The following CFAP74 variants were observed in gnomAD, a reference collection of about 807,000 sequenced individuals.
The protein encoded by CFAP74 is cilia and flagella associated protein 74, also known as cilia- and flagella-associated protein 74.
Under a neutral mutation model 188.9 loss-of-function variants are expected in CFAP74, and 124 were observed. The observed-to-expected ratio is 0.66, with a 90% confidence interval of 0.57 to 0.76. The LOEUF (loss-of-function observed/expected upper bound fraction) is 0.76. CFAP74 is among the 30% of genes least tolerant of loss of function. CFAP74 has a pLI of 0.00. For synonymous variants in CFAP74, 956 were observed against 916.7 expected, an observed-to-expected ratio of 1.04 and a Z score of -0.77; for missense variants, 2,198 against 2,165.2, an observed-to-expected ratio of 1.02 and a Z score of -0.30.
At position 1,922,062 on chromosome 1, in the gene CFAP74, C is replaced by T. The variant is rs559995435; in HGVS notation, c.*225G>A. Reference sequence around the variant, plus strand: ...TGGCTGAGGGCTGGCCTGGCCTTCTCGCTGCTTCTGAGTCTGGGGTCTCAG... The same window carrying T: ...TGGCTGAGGGCTGGCCTGGCCTTCTTGCTGCTTCTGAGTCTGGGGTCTCAG... On this transcript the variant is annotated 3_prime_UTR_variant, in exon 39 of 39. Coordinates refer to ENST00000682832, the MANE Select transcript of CFAP74 (RefSeq NM_001304360.2). The T allele has an allele frequency of 1.3e-3, 699 of 542,158 alleles. 2 individuals carry two copies. Among genetic ancestry groups the T allele is most frequent in the Non-Finnish European group, 2.0e-3 (598 of 306,578 alleles). 33.6% of individuals were successfully genotyped at this position (542,158 alleles called of 1,614,324 possible). A position where few individuals can be genotyped will look rare whatever the true frequency, so the allele number is the denominator to read the frequency against.
At chr1:2,000,950 C>A (rs1291591502) in intron 1 of CFAP74, among the ~76,000 whole-genome samples, 1 of 152,202 alleles carries the variant, frequency 6.6e-6, no homozygotes, top group Non-Finnish European at 1.5e-5. Context: ...TTCCTCTCCC[C>A]CTTCCCTTCA....
Position 1,956,686 on chromosome 1 carries a change from C to T in CFAP74, c.1950G>A (p.Thr650=), listed in dbSNP as rs754061143. 116 of 1,614,090 alleles carry T rather than the reference C, an allele frequency of 7.2e-5. 2 individuals carry two copies. The South Asian group carries it at 1.1e-3, about 15-fold the overall frequency. The change falls in exon 17 of 39, where the codon ACG becomes ACA. Residue 650 remains threonine, a synonymous_variant. Coordinates refer to ENST00000682832, the MANE Select transcript of CFAP74 (RefSeq NM_001304360.2). The part of the protein sequence containing the change: ...ITLTNVGGLG[T]TFKFLPASEP... ...CTGAAGCTGGCAGGAACTTGAAAGT[C>T]GTGCCCAAGCCCCCAACGTTGGTCA...
At position 1,926,854 on chromosome 1, in the gene CFAP74, G is replaced by A. The variant is rs749263854; in HGVS notation, c.3662+40C>T. 5.7e-5 allele frequency: 88 copies of A among 1,549,464 alleles called. No homozygotes were observed. The South Asian group carries it at 1.0e-3, about 18-fold the overall frequency. On this transcript the variant is annotated intron_variant, in intron 29 of 38. Transcript: ENST00000682832. The stretch of plus-strand genomic sequence containing the variant: ...GCAGTAGCAGAGGGACAGCGCGTTT[G>A]CGGCTGACCACACCCTGTTCTGGCC...
At chr1:1,944,599 T>G (rs963089039) in intron 20 of CFAP74, 147 bp from the exon 21 acceptor site, 1 of 795,970 alleles carries the variant, frequency 1.3e-6, no homozygotes, top group African/African-American at 1.7e-5. Context: ...TTTCATATCA[T>G]ATCATTCAAA....
At chr1:1,987,323 C>T (rs555627983) in intron 4 of CFAP74, among the ~76,000 whole-genome samples, 2 of 152,294 alleles carry the variant, frequency 1.3e-5, no homozygotes, top group East Asian at 1.9e-4. Flanking sequence ...CATAAACAAG[C>T]GCACTCCTGC....
chr1:1,939,214 ATGTG>A (rs797008077), intron 24 of CFAP74, among the ~76,000 whole-genome samples: 2 of 152,072 alleles, frequency 1.3e-5, no homozygotes, highest in Admixed American at 6.6e-5. Context: ...GTGCACGCAT[ATGTG>A]TGTGTGTGCT....
At chr1:1,976,919 C>G (rs1656489034) in intron 6 of CFAP74, among the ~76,000 whole-genome samples, 1 of 151,942 alleles carries the variant, frequency 6.6e-6, no homozygotes, top group African/African-American at 2.4e-5. Context: ...GGTCTCAGCT[C>G]ACTGCAAGCT....
chr1:1,966,444 GC>G lies in CFAP74; in HGVS notation c.1327del (p.Ala443ProfsTer8). The G allele has an allele frequency of 6.2e-7, 1 of 1,606,476 alleles. No individual in the cohort carries two copies. The highest frequency in any genetic ancestry group is 8.5e-7 in the Non-Finnish European group (1 of 1,175,858). On this transcript the variant is annotated frameshift_variant, in exon 12 of 39. Coordinates refer to ENST00000682832, the MANE Select transcript of CFAP74 (RefSeq NM_001304360.2). LOFTEE classifies it high-confidence loss of function. ...AGCTAACGTTTCCTCCTCTGAGCTG[GC>G]CCCGGGGTCCCCCTGGATAAGCTCA... ...SSELIQGDPG[A>X]SSEEETLAEP...
intron 21 of CFAP74, among the ~76,000 whole-genome samples, chr1:1,943,067 G>C (rs538485427): frequency 6.6e-6 from 1 of 152,198 alleles, no homozygotes; most frequent in South Asian, 2.1e-4. Context: ...CAGAGACCGC[G>C]CCCTCCCCGT....
intron 20 of CFAP74, among the ~76,000 whole-genome samples, chr1:1,945,568 C>T (rs1228494885): frequency 6.6e-6 from 1 of 152,112 alleles, no homozygotes; most frequent in Admixed American, 6.5e-5. Flanking sequence ...TGGCTCACTC[C>T]TGTAATCCCA....
In CFAP74 at chr1:1,985,215, G is replaced by A. The variant is rs116195192; in HGVS notation, c.500+171C>T. On this transcript the variant is annotated intron_variant, in intron 6 of 38. Coordinates refer to ENST00000682832, the MANE Select transcript of CFAP74 (RefSeq NM_001304360.2). ...ACCCAGAGAAACTGAAAAAGGCAAC[G>A]TGAAGACTAACCCTTCCAACCACTG... The A allele has an allele frequency of 1.3e-3, 717 of 562,528 alleles. 4 individuals are homozygous for A. The highest frequency in any genetic ancestry group is 0.012 in the African/African-American group (652 of 53,652). 34.8% of individuals were successfully genotyped at this position (562,528 alleles called of 1,614,324 possible).
chr1:1,944,854 C>G (rs1036119144), intron 20 of CFAP74, among the ~76,000 whole-genome samples: 4 of 152,148 alleles, frequency 2.6e-5, no homozygotes, highest in African/African-American at 9.7e-5. Context: ...GATCCACCCA[C>G]CTCGGCCTCC....
At chr1:1,996,675 C>A (rs866107839) in intron 1 of CFAP74, among the ~76,000 whole-genome samples, 1 of 152,130 alleles carries the variant, frequency 6.6e-6, no homozygotes, top group African/African-American at 2.4e-5. Flanking sequence ...GATCTCAGCA[C>A]TTTTGGAGGC....
intron 28 of CFAP74, chr1:1,927,325 T>TC: frequency 1.8e-6 from 1 of 554,736 alleles, no homozygotes; most frequent in Non-Finnish European, 3.2e-6. Context: ...ATTAGAGCTT[T>TC]CCCAGGGCTC....
At chr1:1,955,663 C>A in intron 18 of CFAP74, 28 bp downstream of exon 18, 4 of 1,604,698 alleles carry the variant, frequency 2.5e-6, no homozygotes, top group Non-Finnish European at 3.4e-6. Context: ...GCCCGCCCAC[C>A]CTGGCTTGGC....
In CFAP74 at chr1:1,927,756, G is replaced by A. The variant is rs1652030343; in HGVS notation, c.3388-10C>T. The A allele has an allele frequency of 5.2e-6, 8 of 1,548,778 alleles. No individual in the cohort carries two copies. Among genetic ancestry groups the A allele is most frequent in the Non-Finnish European group, 6.1e-6 (7 of 1,146,096 alleles). ...CCATATTCTTTCGGAACTGTGGGGG[G>A]AGCGACTGGCTGTGGGGCTGTGCAG... On this transcript the variant is annotated splice_polypyrimidine_tract_variant and intron_variant, in intron 27 of 38. Coordinates refer to ENST00000682832, the MANE Select transcript of CFAP74 (RefSeq NM_001304360.2).
At chr1:1,967,422 A>G (rs1188634271) in intron 11 of CFAP74, among the ~76,000 whole-genome samples, 1 of 100,218 alleles carries the variant, frequency 1.0e-5, no homozygotes, top group Non-Finnish European at 1.8e-5. Context: ...AGAAAATCGC[A>G]GGGAGCAGCT....
At position 1,922,013 on chromosome 1, in the gene CFAP74, G is replaced by T; in HGVS notation, c.*274C>A. On this transcript the variant is annotated 3_prime_UTR_variant, in exon 39 of 39. Coordinates refer to ENST00000682832, the MANE Select transcript of CFAP74 (RefSeq NM_001304360.2). ...GTGGAGGGCTCTCCTGGGGGCTGGG[G>T]GCTCTGAGGGGGTCTGGCTAGGATG... 6.5e-6 allele frequency: 3 copies of T among 463,170 alleles called. No homozygotes were observed. The allele number at this position is 463,170 out of a possible 1,614,324, so 28.7% of individuals were successfully genotyped here. A position where few individuals can be genotyped will look rare whatever the true frequency, so the allele number is the denominator to read the frequency against.
chr1:1,985,321 G>C (rs1657163043), intron 6 of CFAP74, 65 bp downstream of exon 6: 1 of 1,388,038 alleles, frequency 7.2e-7, no homozygotes, highest in Non-Finnish European at 1.0e-6. Flanking sequence ...TCTGCCCCCA[G>C]ATGGGAAGGA....
Sources: allele counts gnomAD v4.1 joint callset (sites outside exome capture counted in the v4.1 genomes callset), GRCh38; gene constraint gnomAD v4.1.1; transcripts MANE v1.5; gene names NCBI Gene and HGNC (gene_info 2026-07-23, HGNC 2026-07-21).